Variants in CP observed in about 807,000 individuals in gnomAD.
CP encodes the protein caeruloplasmin.
In CP, 64 loss-of-function variants were observed where a neutral mutation model predicts 122.4. The observed-to-expected ratio is 0.52, with a 90% CI of 0.43 to 0.64. CP has a LOEUF of 0.64. CP is among the 30% of genes least tolerant of loss of function. The probability of loss-of-function intolerance (pLI) is 0.00; values close to 1 mark genes in which losing one functional copy is unlikely to be tolerated. For missense variants in CP, 1,167 were observed against 1,284.4 expected (o/e 0.91, Z 1.40); for synonymous variants, 440 against 436.4 (o/e 1.01, Z -0.10).
chr3:149,199,675 A>G (rs368498300), intron 8 of CP, 37 bp downstream of exon 8: 23 of 1,613,030 alleles, frequency 1.4e-5, no homozygotes, highest in Non-Finnish European at 1.9e-5. Context: ...TGGGTTATTA[A>G]ACATTGTTGA....
chr3:149,211,818 G>A (rs531387862), intron 2 of CP, among the ~76,000 whole-genome samples: 1 of 152,162 alleles, frequency 6.6e-6, no homozygotes, highest in South Asian at 2.1e-4. Flanking sequence ...TCTAGGCTCT[G>A]ATGCACTTTG....
At chr3:149,178,026 C>A (rs917992346) in intron 16 of CP, 47 bp from the exon 17 acceptor site, 10 of 1,528,864 alleles carry the variant, frequency 6.5e-6, no homozygotes, top group Admixed American at 1.7e-5. Context: ...ATATTTTAAA[C>A]CAATAGCTAT....
downstream of CP, among the ~76,000 whole-genome samples, chr3:149,171,409 T>G (rs1391526686): frequency 6.8e-6 from 1 of 147,468 alleles, no homozygotes; most frequent in East Asian, 2.0e-4. Context: ...GGGAAAACAT[T>G]GGTGTTTCTT....
At chr3:149,210,980 A>T (rs902247229) in intron 2 of CP, among the ~76,000 whole-genome samples, 15 of 152,212 alleles carry the variant, frequency 9.9e-5, no homozygotes. Context: ...TCTCTAAAAG[A>T]TAGGAACCCT....
chr3:149,219,822 A>C (rs1728694515), intron 1 of CP, among the ~76,000 whole-genome samples: 1 of 151,674 alleles, frequency 6.6e-6, no homozygotes, highest in African/African-American at 2.4e-5. Flanking sequence ...AGATGTGGGA[A>C]AGTTTGGAAC....
At chr3:149,181,979 A>ATCCCCACCCCCC in intron 14 of CP, 26 bp downstream of exon 14, 1 of 515,796 alleles carries the variant, frequency 1.9e-6, no homozygotes, top group South Asian at 1.5e-5. Context: ...AAAATGCACC[A>ATCCCCACCCCCC]CCCCCACCCC....
chr3:149,208,416 G>A (rs1727891804), intron 4 of CP, among the ~76,000 whole-genome samples: 2 of 152,088 alleles, frequency 1.3e-5, no homozygotes, highest in South Asian at 4.1e-4. Flanking sequence ...CAGGATTAAA[G>A]TATGGAAAGA....
At chr3:149,182,625 CAA>C (rs1725860316) in intron 13 of CP, among the ~76,000 whole-genome samples, 1 of 152,124 alleles carries the variant, frequency 6.6e-6, no homozygotes, top group Admixed American at 6.5e-5. Flanking sequence ...AGAAATGTCT[CAA>C]GACCAGTGTT....
Position 149,207,511 on chromosome 3 carries a change from T to C in CP, c.888A>G (p.Ala296=). 1 of 1,614,032 alleles carries C rather than the reference T, an allele frequency of 6.2e-7. No homozygotes were observed. The highest frequency in any genetic ancestry group is 8.5e-7 in the Non-Finnish European group (1 of 1,179,894). ...FGMGNEVDVH[A]AFFHGQALTN... is the part of the protein sequence containing the mutation. ...TCAGTGCTTGCCCGTGAAAGAAAGC[T>C]GCGTGCACATCAACTTCATTACCCA... The change falls in exon 5 of 19, where the codon GCA becomes GCG. Residue 296 remains alanine (A), a synonymous_variant. Transcript: ENST00000264613.
At chr3:149,192,993 C>CAG (rs1726644855) in intron 9 of CP, among the ~76,000 whole-genome samples, 1 of 151,992 alleles carries the variant, frequency 6.6e-6, no homozygotes, top group East Asian at 1.9e-4. Context: ...CACACACACA[C>CAG]ACACACACAC....
intron 5 of CP, chr3:149,163,906 CT>C (rs1724146183): frequency 1.3e-6 from 2 of 1,579,602 alleles, no homozygotes; most frequent in Non-Finnish European, 1.7e-6. Flanking sequence ...TCATCTGATT[CT>C]TTAGCTGATA....
At position 149,185,366 on chromosome 3, in the gene CP, G is replaced by A. The variant is rs145784949; in HGVS notation, c.2158C>T (p.Arg720Trp). The change falls in exon 12 of 19, where the codon CGG (arginine) becomes TGG (tryptophan). Residue 720 changes from arginine (R) to tryptophan (W), a missense_variant. Coordinates refer to ENST00000264613, the MANE Select transcript of CP (RefSeq NM_000096.4). Reference sequence around the variant, plus strand: ...TAGAAGGTGGAATCCTCAGACTGCCGCCTGCATTGGTTCACAGTATATTTT... The same window carrying A: ...TAGAAGGTGGAATCCTCAGACTGCCACCTGCATTGGTTCACAGTATATTTT... The part of the protein sequence containing the change: ...KQKYTVNQCR[R>W]QSEDSTFYLG... 4.4e-4 allele frequency: 704 copies of A among 1,613,932 alleles called. No individual in the cohort carries two copies. The highest frequency in any genetic ancestry group is 5.8e-4 in the Non-Finnish European group (679 of 1,179,988).
At chr3:149,215,330 C>T (rs1728396163) in intron 1 of CP, among the ~76,000 whole-genome samples, 1 of 152,140 alleles carries the variant, frequency 6.6e-6, no homozygotes, top group South Asian at 2.1e-4. Flanking sequence ...TTGCCATAAA[C>T]AAATACCTAA....
At chr3:149,203,064 G>A (rs555079236) in intron 6 of CP, among the ~76,000 whole-genome samples, 2,070 of 149,946 alleles carry the variant, frequency 0.014, 44 homozygotes, top group African/African-American at 0.047. Flanking sequence ...CCGCCACAAC[G>A]CCCGGCTAAT....
downstream of CP, chr3:149,167,745 A>G (rs1281022354): frequency 1.5e-6 from 1 of 672,150 alleles, no homozygotes; most frequent in African/African-American, 1.8e-5. Context: ...CTGGCTGCTG[A>G]TATAACTTAT....
Position 149,207,471 on chromosome 3 carries a change from G to A in CP, c.928C>T (p.Arg310Cys), listed in dbSNP as rs767161351. 1.1e-5 allele frequency: 18 copies of A among 1,613,932 alleles called. No homozygotes were observed. The African/African-American group carries it at 1.5e-4, about 13-fold the overall frequency. Residue 310 changes from arginine (R) to cysteine (C), a missense_variant, in exon 5 of 19, where the codon CGT (arginine) becomes TGT (cysteine). Physicochemically the swap from Arg to Cys is radical, Grantham distance 180 (BLOSUM62 -3). Transcript: ENST00000264613. ...GGAAAGAGGTTGATTGTGTCAATAC[G>A]GTAGTTCTTGTTAGTCAGTGCTTGC... ...HGQALTNKNYRIDTINLFPAT... is the reference protein window; with the variant it reads ...HGQALTNKNYCIDTINLFPAT...
chr3:149,174,523 A>G (rs1298216119), intron 18 of CP, among the ~76,000 whole-genome samples: 1 of 152,308 alleles, frequency 6.6e-6, no homozygotes, highest in East Asian at 1.9e-4. Flanking sequence ...TGAAAGGTAT[A>G]TGGGAATCTG....
At chr3:149,204,887 G>T (rs1727597858) in intron 6 of CP, among the ~76,000 whole-genome samples, 2 of 152,122 alleles carry the variant, frequency 1.3e-5, no homozygotes, top group Non-Finnish European at 2.9e-5. Context: ...AGTAGCTTGT[G>T]TACATCAAAG....
intron 17 of CP, 101 bp downstream of exon 17, chr3:149,177,737 CTT>C: frequency 7.9e-7 from 1 of 1,260,772 alleles, no homozygotes. Flanking sequence ...CGGCTGTACT[CTT>C]TGCAGCTTTT....
Sources: allele counts gnomAD v4.1 joint callset (sites outside exome capture counted in the v4.1 genomes callset), GRCh38; gene constraint gnomAD v4.1.1; transcripts MANE v1.5; gene names NCBI Gene and HGNC (gene_info 2026-07-23, HGNC 2026-07-21).